Variants in ABI2 observed in about 807,000 individuals in gnomAD.
ABI2 encodes abelson interactor 2.
In ABI2, 25 loss-of-function variants were observed where a neutral mutation model predicts 59.2. The ratio of observed to expected loss-of-function variants is 0.42; its 90% CI spans 0.31 to 0.59. ABI2 has a LOEUF of 0.59. ABI2 is among the 20% of genes least tolerant of loss of function. ABI2 has a pLI of 0.14. For synonymous variants in ABI2, 213 were observed against 235.5 expected, an observed-to-expected ratio of 0.90 and a Z score of 0.87; for missense variants, 545 against 681.8, an observed-to-expected ratio of 0.80 and a Z score of 2.23.
chr2:203,393,806 A>G (rs750427672), intron 5 of ABI2, among the ~76,000 whole-genome samples: 21 of 151,770 alleles, frequency 1.4e-4, no homozygotes, highest in African/African-American at 2.4e-5. Context: ...CAATATGTCA[A>G]TTGACTGTTT....
chr2:203,412,217 A>G (rs1450484444), intron 10 of ABI2, among the ~76,000 whole-genome samples: 1 of 152,210 alleles, frequency 6.6e-6, no homozygotes, highest in African/African-American at 2.4e-5. Flanking sequence ...TTATTTGGAA[A>G]TGGGCACTGC....
At chr2:203,355,202 T>G (rs750437035) in intron 1 of ABI2, 4 of 406,362 alleles carry the variant, frequency 9.8e-6, no homozygotes, top group Admixed American at 9.5e-5. Context: ...TGACAAAGAA[T>G]ACATGGAAAG....
At chr2:203,411,798 G>A (rs924695476) in intron 10 of ABI2, among the ~76,000 whole-genome samples, 2 of 152,168 alleles carry the variant, frequency 1.3e-5, no homozygotes, top group Non-Finnish European at 2.9e-5. Context: ...GGACCAGGCT[G>A]CCAGTCTGTC....
At chr2:203,423,431 T>G (rs973241738) in intron 11 of ABI2, among the ~76,000 whole-genome samples, 3 of 152,128 alleles carry the variant, frequency 2.0e-5, no homozygotes, top group African/African-American at 7.2e-5. Flanking sequence ...ATCATCTGGG[T>G]CCTTTTTTTT....
intron 1 of ABI2, among the ~76,000 whole-genome samples, chr2:203,333,943 CTTTT>C (rs1428493426): frequency 2.1e-5 from 3 of 143,458 alleles, no homozygotes; most frequent in Non-Finnish European, 4.6e-5. Flanking sequence ...TTTTTTCTTT[CTTTT>C]TTTTTTTTTT....
intron 1 of ABI2, among the ~76,000 whole-genome samples, chr2:203,358,071 TTGTG>T (rs71007506): frequency 0.074 from 9,522 of 128,718 alleles, 315 homozygotes; most frequent in Non-Finnish European, 0.094. Flanking sequence ...CCTGGCCTGT[TTGTG>T]TGTGTGTGTG....
In ABI2 at chr2:203,333,449, G is replaced by A. The variant is rs189171065; in HGVS notation, c.117+4818G>A. ...AGGAGGTTGGTTATATTTATAGGTC[G>A]AGTTCTGTATGTTCTTGCAAATGGG... is the stretch of plus-strand genomic sequence containing the variant. On this transcript the variant is annotated intron_variant, in intron 1 of 11. Transcript: ENST00000261018. 8.2e-4 allele frequency among the ~76,000 whole-genome samples: 125 copies of A among 152,096 alleles called. 4 individuals are homozygous for A. Among genetic ancestry groups the A allele is most frequent in the Non-Finnish European group, 2.5e-4 (17 of 67,982 alleles).
At chr2:203,352,163 C>T (rs918051008) in intron 1 of ABI2, among the ~76,000 whole-genome samples, 2 of 152,254 alleles carry the variant, frequency 1.3e-5, no homozygotes, top group Middle Eastern at 6.8e-3. Context: ...GATGTAGCAG[C>T]TGGTTGTCCA....
chr2:203,386,561 C>T lies in ABI2; in HGVS notation c.480+4355C>T, dbSNP rs2096529921. 4 of 476,222 alleles carry T rather than the reference C, an allele frequency of 8.4e-6. No individual in the cohort carries two copies. In the South Asian group the frequency reaches 3.7e-4, roughly 44 times the overall value. The allele number at this position is 476,222 out of a possible 1,614,324, so 29.5% of individuals were successfully genotyped here. ...GAAGTTTCATAGAGAAAAACCAGCT[C>T]AGGTTTTTCTCTATGAAACATTCCG... is the stretch of plus-strand genomic sequence containing the variant. On this transcript the variant is annotated intron_variant, in intron 4 of 11. Coordinates refer to ENST00000261018, the MANE Select transcript of ABI2 (RefSeq NM_001375670.1).
At chr2:203,406,705 C>T (rs1241117523) in intron 9 of ABI2, among the ~76,000 whole-genome samples, 1 of 152,114 alleles carries the variant, frequency 6.6e-6, no homozygotes, top group African/African-American at 2.4e-5. Context: ...GCTTTGTTGT[C>T]CAGGCTGGAG....
rs2077869265 is a variant in ABI2, at chr2:203,338,935, T to TATATATATATATATATATATATATAA, written c.117+10329_117+10330insAATATATATATATATATATATATATA. Among the ~76,000 whole-genome samples the TATATATATATATATATATATATATAA allele has an allele frequency of 4.8e-3, 12 of 2,526 alleles. 1 individual carries two copies. Among genetic ancestry groups the TATATATATATATATATATATATATAA allele is most frequent in the African/African-American group, 8.8e-3 (12 of 1,364 alleles). 1.7% of individuals were successfully genotyped at this position (2,526 alleles called of 152,430 possible). On this transcript the variant is annotated intron_variant, in intron 1 of 11. Transcript: ENST00000261018. Reference sequence around the variant, plus strand: ...GTGTGTGTGTGTGTGTGTGTATATGTATATATATATATATATATATATATA... The same window carrying TATATATATATATATATATATATATAA: ...GTGTGTGTGTGTGTGTGTGTATATGTATATATATATATATATATATATATAAATATATATATATATATATATATATA...
At chr2:203,413,457 T>G (rs1219578660) in intron 10 of ABI2, among the ~76,000 whole-genome samples, 2 of 152,230 alleles carry the variant, frequency 1.3e-5, no homozygotes, top group Non-Finnish European at 2.9e-5. Context: ...AGTAGATGAC[T>G]GCAAAACATT....
intron 9 of ABI2, among the ~76,000 whole-genome samples, chr2:203,410,396 G>A (rs1170889628): frequency 6.6e-6 from 1 of 152,174 alleles, no homozygotes; most frequent in Admixed American, 6.5e-5. Context: ...AACTGTAACT[G>A]TAGAGTAATC....
chr2:203,357,744 T>G (rs1201742267), intron 1 of ABI2, among the ~76,000 whole-genome samples: 1 of 124,838 alleles, frequency 8.0e-6, no homozygotes, highest in Admixed American at 9.0e-5. Context: ...GAAACTGAAT[T>G]TGGTTTTTGG....
At chr2:203,355,339 C>T (rs1374658600) in intron 1 of ABI2, 1 of 186,184 alleles carries the variant, frequency 5.4e-6, no homozygotes, top group Admixed American at 5.0e-5. Flanking sequence ...GTTGTTTCTA[C>T]TAAAAATAAA....
intron 1 of ABI2, among the ~76,000 whole-genome samples, chr2:203,341,790 C>T (rs141941210): frequency 1.1e-4 from 17 of 152,268 alleles, no homozygotes; most frequent in Middle Eastern, 3.4e-3. Context: ...TTGGCAAATA[C>T]TTTTTATTTG....
chr2:203,365,174 A>G (rs906745945), intron 1 of ABI2, among the ~76,000 whole-genome samples: 1 of 152,118 alleles, frequency 6.6e-6, no homozygotes, highest in African/African-American at 2.4e-5. Context: ...ATCATTTTGG[A>G]GCTTACTTTT....
At chr2:203,419,469 C>T (rs1408544675) in intron 11 of ABI2, among the ~76,000 whole-genome samples, 4 of 151,930 alleles carry the variant, frequency 2.6e-5, no homozygotes, top group African/African-American at 7.2e-5. Context: ...ACCGGGTTCA[C>T]GCCATTCTCC....
At chr2:203,405,599 A>G (rs994913682) in intron 9 of ABI2, among the ~76,000 whole-genome samples, 2 of 152,180 alleles carry the variant, frequency 1.3e-5, no homozygotes, top group African/African-American at 4.8e-5. Flanking sequence ...GTAGCCCTGC[A>G]ATTGTCCCTA....
Sources: gnomAD v4.1 joint callset for allele counts (sites outside exome capture counted in the v4.1 genomes callset) on GRCh38, gnomAD v4.1.1 for gene constraint, MANE v1.5 for transcripts, NCBI Gene and HGNC (gene_info 2026-07-23, HGNC 2026-07-21) for gene names.